The following ERMP1 variants were observed in gnomAD, a reference collection of about 807,000 sequenced individuals.
ERMP1 encodes the protein endoplasmic reticulum metallopeptidase 1.
A neutral mutation model predicts 92.0 loss-of-function variants in ERMP1; 86 were observed. The observed-to-expected ratio is 0.93, with a 90% CI of 0.79 to 1.12. ERMP1 has a LOEUF of 1.12. Among genes scored for constraint, ERMP1 ranks in the 50% most tolerant of loss-of-function variants. ERMP1 has a pLI of 0.00. For missense variants in ERMP1, 1,342 were observed against 1,116.3 expected (o/e 1.20, Z -2.88); for synonymous variants, 530 against 412.8 (o/e 1.28, Z -3.44).
intron 6 of ERMP1, among the ~76,000 whole-genome samples, chr9:5,852,865 T>C (rs570110337): frequency 1.3e-5 from 2 of 152,302 alleles, no homozygotes; most frequent in East Asian, 1.9e-4. Context: ...ATAAAAATCC[T>C]TTCCTGACTA....
At chr9:5,827,455 G>C (rs975146443) in intron 2 of ERMP1, among the ~76,000 whole-genome samples, 1 of 152,208 alleles carries the variant, frequency 6.6e-6, no homozygotes, top group Non-Finnish European at 1.5e-5. Context: ...CTGCAGGTTG[G>C]ACAAGCTTAA....
chr9:5,825,901 A>G (rs1829715318), intron 2 of ERMP1, among the ~76,000 whole-genome samples: 1 of 152,256 alleles, frequency 6.6e-6, no homozygotes, highest in Admixed American at 6.5e-5. Flanking sequence ...AACTATAAAG[A>G]TGACTTAACT....
chr9:5,802,127 G>C (rs897124040), intron 10 of ERMP1, among the ~76,000 whole-genome samples: 4 of 152,192 alleles, frequency 2.6e-5, no homozygotes, highest in African/African-American at 7.2e-5. Flanking sequence ...TGAATACTGA[G>C]AGAAAGATGG....
chr9:5,840,624 G>A (rs964502354), intron 6 of ERMP1, among the ~76,000 whole-genome samples: 2 of 152,248 alleles, frequency 1.3e-5, no homozygotes, highest in Non-Finnish European at 2.9e-5. Flanking sequence ...GCAGTTCAGA[G>A]CATGGGTGCT....
intron 13 of ERMP1, among the ~76,000 whole-genome samples, chr9:5,793,110 G>A (rs920874803): frequency 2.6e-5 from 4 of 152,088 alleles, no homozygotes; most frequent in Non-Finnish European, 5.9e-5. Context: ...GTATAAGAGA[G>A]ATAAATGCTA....
Position 5,787,472 on chromosome 9 carries a change from A to G in ERMP1, c.2508T>C (p.His836=), listed in dbSNP as rs151033939. 2 of 1,614,174 alleles carry G rather than the reference A, an allele frequency of 1.2e-6. No individual in the cohort carries two copies. Among genetic ancestry groups the G allele is most frequent in the African/African-American group, 2.7e-5 (2 of 75,068 alleles). The change falls in exon 14 of 15, where the codon CAT becomes CAC. Residue 836 remains histidine (H), a synonymous_variant. Coordinates refer to ENST00000339450, the MANE Select transcript of ERMP1 (RefSeq NM_024896.3). The part of the protein sequence containing the change: ...KGGDYFVFYS[H]GLQASAWQFW... ...ACTGCCATGCAGAGGCCTGGAGTCC[A>G]TGGGAGTAAAAGACAAAGTAGTCTC...
At chr9:5,843,829 A>T (rs180777528) in intron 6 of ERMP1, among the ~76,000 whole-genome samples, 1 of 152,280 alleles carries the variant, frequency 6.6e-6, no homozygotes, top group African/African-American at 2.4e-5. Context: ...TGTAAAACTC[A>T]AAGGCAGAGT....
intron 2 of ERMP1, among the ~76,000 whole-genome samples, chr9:5,827,796 G>GAC (rs1829780858): frequency 6.6e-6 from 1 of 151,462 alleles, no homozygotes; most frequent in South Asian, 2.1e-4. Context: ...TGGCGTGGGC[G>GAC]AGAGCGAGAC....
intron 13 of ERMP1, among the ~76,000 whole-genome samples, chr9:5,790,249 A>G (rs1171531862): frequency 6.9e-6 from 1 of 144,676 alleles, no homozygotes; most frequent in Non-Finnish European, 1.5e-5. Context: ...GCGCAATTTC[A>G]GCTCACTGCA....
intron 2 of ERMP1, among the ~76,000 whole-genome samples, chr9:5,829,611 G>C (rs1347759318): frequency 6.6e-6 from 1 of 152,196 alleles, no homozygotes; most frequent in Non-Finnish European, 1.5e-5. Flanking sequence ...ACACAGATGA[G>C]AAACTAAGAA....
chr9:5,789,359 C>T (rs552613822), intron 13 of ERMP1, among the ~76,000 whole-genome samples: 2 of 152,264 alleles, frequency 1.3e-5, no homozygotes, highest in African/African-American at 4.8e-5. Flanking sequence ...AATGGAACAA[C>T]AATTTTTAAA....
chr9:5,858,202 G>A (rs1386862506), intron 6 of ERMP1, among the ~76,000 whole-genome samples: 1 of 152,194 alleles, frequency 6.6e-6, no homozygotes, highest in East Asian at 1.9e-4. Flanking sequence ...ATGGTTTGAA[G>A]GGCTCTGAGT....
chr9:5,827,839 A>G (rs980263804), intron 2 of ERMP1, among the ~76,000 whole-genome samples: 1 of 151,438 alleles, frequency 6.6e-6, no homozygotes, highest in African/African-American at 2.4e-5. Flanking sequence ...TTCGCAAGGC[A>G]TGGTGGTGGG....
chr9:5,850,435 A>T, intron 6 of ERMP1, among the ~76,000 whole-genome samples: 1 of 148,748 alleles, frequency 6.7e-6, no homozygotes, highest in South Asian at 2.1e-4. Flanking sequence ...AAAAAGAAGA[A>T]GAAGAAAAAA....
intron 1 of ERMP1, among the ~76,000 whole-genome samples, chr9:5,832,046 C>A (rs1829961071): frequency 1.3e-5 from 2 of 151,136 alleles, no homozygotes; most frequent in South Asian, 2.1e-4. Flanking sequence ...GTTACAATAT[C>A]TTTGACTTAA....
chr9:5,861,170 G>GTGTGTGTGT lies in ERMP1; in HGVS notation n.3056-1560_3056-1559insACACACACA, dbSNP rs1554630171. Among the ~76,000 whole-genome samples, 109 of 102,138 alleles carry GTGTGTGTGT rather than the reference G, an allele frequency of 1.1e-3. 3 individuals are homozygous for GTGTGTGTGT. Among genetic ancestry groups the GTGTGTGTGT allele is most frequent in the East Asian group, 4.0e-3 (9 of 2,270 alleles). The allele number at this position is 102,138 out of a possible 152,430, so 67.0% of individuals were successfully genotyped here. A position where few individuals can be genotyped will look rare whatever the true frequency, so the allele number is the denominator to read the frequency against. ...GCAGTGAACCCACAATGGCTTAGGG[G>GTGTGTGTGT]GTGTGTGTGTGTGTGTGTGTGTGTG... is the stretch of plus-strand genomic sequence containing the variant. On this transcript the variant is annotated intron_variant and non_coding_transcript_variant, in intron 5 of 6. Transcript: ENST00000690753.
chr9:5,830,869 G>T lies in ERMP1; in HGVS notation c.498C>A (p.Gly166=), dbSNP rs776328860. 1.2e-6 allele frequency: 2 copies of T among 1,614,112 alleles called. No individual in the cohort carries two copies. The highest frequency in any genetic ancestry group is 1.7e-6 in the Non-Finnish European group (2 of 1,179,992). Residue 166 remains glycine (G), a synonymous_variant, in exon 2 of 15, where the codon GGC becomes GGA. Coordinates refer to ENST00000339450, the MANE Select transcript of ERMP1 (RefSeq NM_024896.3). The part of the protein sequence containing the change: ...KISVDVQRPT[G]SFSIDFLGGF... Reference sequence around the variant, plus strand: ...CTCCCAAGAAATCAATGCTAAAAGAGCCTGTGGGCCGTTGTACATCTACTG... The same window carrying T: ...CTCCCAAGAAATCAATGCTAAAAGATCCTGTGGGCCGTTGTACATCTACTG...
rs928838465 is a variant in ERMP1, at chr9:5,786,781, C to T, written c.*363G>A. Reference sequence around the variant, plus strand: ...GTTTTGGGGCTTAAATTGGAAACAACTTTTGTCTCATTAACAATGCTCTGA... The same window carrying T: ...GTTTTGGGGCTTAAATTGGAAACAATTTTTGTCTCATTAACAATGCTCTGA... On this transcript the variant is annotated 3_prime_UTR_variant, in exon 15 of 15. Coordinates refer to ENST00000339450, the MANE Select transcript of ERMP1 (RefSeq NM_024896.3). 5 of 169,048 alleles carry T rather than the reference C, an allele frequency of 3.0e-5. No homozygotes were observed. Among genetic ancestry groups the T allele is most frequent in the Admixed American group, 5.7e-5 (1 of 17,686 alleles). 10.5% of individuals were successfully genotyped at this position (169,048 alleles called of 1,614,324 possible). A position where few individuals can be genotyped will look rare whatever the true frequency, so the allele number is the denominator to read the frequency against.
intron 4 of ERMP1, among the ~76,000 whole-genome samples, chr9:5,817,293 G>T (rs879748549): frequency 2.2e-4 from 33 of 148,286 alleles, no homozygotes; most frequent in African/African-American, 8.0e-4. Flanking sequence ...GGGTTCAAGC[G>T]ATTCTCCTGC....
Sources: gnomAD v4.1 joint callset for allele counts (sites outside exome capture counted in the v4.1 genomes callset) on GRCh38, gnomAD v4.1.1 for gene constraint, MANE v1.5 for transcripts, NCBI Gene and HGNC (gene_info 2026-07-23, HGNC 2026-07-21) for gene names.